Variants in RBFOX3 observed in about 807,000 individuals in gnomAD.
The protein encoded by RBFOX3 is RNA binding fox-1 homolog 3.
Under a neutral mutation model 48.7 loss-of-function variants are expected in RBFOX3, and 17 were observed. The ratio of observed to expected loss-of-function variants is 0.35; its 90% CI spans 0.24 to 0.52. RBFOX3 has a LOEUF of 0.52. Ranked by LOEUF, RBFOX3 falls within the 20% of genes least tolerant of loss-of-function variation. RBFOX3 has a pLI of 0.94. For missense variants in RBFOX3, 382 were observed against 497.5 expected, an observed-to-expected ratio of 0.77 and a Z score of 2.21; for synonymous variants, 212 against 209.5, an observed-to-expected ratio of 1.01 and a Z score of -0.10.
chr17:79,105,424 G>A (rs1221095026), intron 6 of RBFOX3, among the ~76,000 whole-genome samples: 2 of 152,184 alleles, frequency 1.3e-5, no homozygotes, highest in Non-Finnish European at 2.9e-5. Flanking sequence ...TCCAGCCAGA[G>A]CTCCAAAATG....
intron 2 of RBFOX3, among the ~76,000 whole-genome samples, chr17:79,387,250 T>C (rs2060679941): frequency 6.6e-6 from 1 of 152,222 alleles, no homozygotes; most frequent in Non-Finnish European, 1.5e-5. Flanking sequence ...AAAACTGATC[T>C]GATACAGCCT....
rs370707559 is a variant in RBFOX3 at position 79,374,416 on chromosome 17, C to A, written c.-174-66592G>T. 1.2e-4 allele frequency among the ~76,000 whole-genome samples: 18 copies of A among 152,242 alleles called. No homozygotes were observed. In the East Asian group the frequency reaches 2.9e-3, roughly 24 times the overall value. On this transcript the variant is annotated intron_variant, in intron 2 of 14. Transcript: ENST00000693108. ...TGAGCCTTTCTTCTTTGGAAAGGAC[C>A]GGCTTTCCATGCAGAAACAGGATCT...
At chr17:79,125,119 C>G (rs113559782) in intron 4 of RBFOX3, among the ~76,000 whole-genome samples, 4,302 of 152,260 alleles carry the variant, frequency 0.028, 202 homozygotes, top group African/African-American at 0.096. Context: ...CGGGAATGAG[C>G]GAGCCACCTG....
At chr17:79,348,794 G>A (rs576992888) in intron 2 of RBFOX3, among the ~76,000 whole-genome samples, 34 of 151,694 alleles carry the variant, frequency 2.2e-4, no homozygotes, top group Non-Finnish European at 4.3e-4. Flanking sequence ...TGGCCAGGTT[G>A]GTCTCCAACT....
rs2092916666 is a variant in RBFOX3 at position 79,577,894 on chromosome 17, T to C, written c.-320+32932A>G. Among the ~76,000 whole-genome samples, 3 of 152,202 alleles carry C rather than the reference T, an allele frequency of 2.0e-5. No individual in the cohort carries two copies. In the South Asian group the frequency reaches 6.2e-4, roughly 32 times the overall value. On this transcript the variant is annotated intron_variant, in intron 1 of 14. Coordinates refer to ENST00000693108, the MANE Select transcript of RBFOX3 (RefSeq NM_001350451.2). ...GCAATGCCAGGCTAGGTCCCCCTGG[T>C]GCGAGGGTGGCTCTGAACCACTGTC...
chr17:79,329,672 C>T (rs528804187), intron 2 of RBFOX3, among the ~76,000 whole-genome samples: 192 of 152,274 alleles, frequency 1.3e-3, no homozygotes, highest in Non-Finnish European at 1.9e-3. Flanking sequence ...GTAGGCCCCC[C>T]ACCCCGGCCT....
chr17:79,618,435 AGCCGT>A, the RBFOX3 span, among the ~76,000 whole-genome samples: 1 of 152,154 alleles, frequency 6.6e-6, no homozygotes, highest in African/African-American at 2.4e-5. Context: ...AATCCATCCA[AGCCGT>A]GTGTCTGCTC....
chr17:79,327,555 G>A (rs1424007190), intron 2 of RBFOX3, among the ~76,000 whole-genome samples: 1 of 152,220 alleles, frequency 6.6e-6, no homozygotes, highest in African/African-American at 2.4e-5. Context: ...GAAGCTCAAG[G>A]TGTCTTTCTT....
intron 2 of RBFOX3, among the ~76,000 whole-genome samples, chr17:79,384,324 G>T (rs1479656211): frequency 2.0e-5 from 3 of 152,138 alleles, no homozygotes; most frequent in African/African-American, 4.8e-5. Context: ...AGAGGCTGTG[G>T]GGGAGAAGTC....
At position 79,391,610 on chromosome 17, in the gene RBFOX3, G is replaced by T. The variant is rs9911509; in HGVS notation, c.-174-83786C>A. Among the ~76,000 whole-genome samples the T allele has an allele frequency of 0.023, 3,495 of 152,324 alleles. 129 individuals carry two copies. Among genetic ancestry groups the T allele is most frequent in the African/African-American group, 0.078 (3,259 of 41,560 alleles). ...TTAGGAATTTAGTTTTAGGAATGAA[G>T]AAATGAGGCCCAGTGAGGTACATGT... is the stretch of plus-strand genomic sequence containing the variant. On this transcript the variant is annotated intron_variant, in intron 2 of 14. Transcript: ENST00000693108. The surrounding 1 kb of genome is among the most constrained non-coding windows in gnomAD (Gnocchi z 5.0).
At chr17:79,152,811 C>A (rs1037055614) in intron 4 of RBFOX3, among the ~76,000 whole-genome samples, 7 of 152,186 alleles carry the variant, frequency 4.6e-5, no homozygotes, top group African/African-American at 1.7e-4. Context: ...GGCACAGGTG[C>A]CAGACTTGCC....
the RBFOX3 span, among the ~76,000 whole-genome samples, chr17:79,620,978 C>T: frequency 6.7e-6 from 1 of 149,076 alleles, no homozygotes; most frequent in Non-Finnish European, 1.5e-5. Context: ...TCTCTTACTC[C>T]TGTTAAAGTT....
At chr17:79,345,732 G>A (rs1202692004) in intron 2 of RBFOX3, among the ~76,000 whole-genome samples, 4 of 152,022 alleles carry the variant, frequency 2.6e-5, no homozygotes, top group Non-Finnish European at 5.9e-5. Context: ...TCAGTTGTGT[G>A]TATTGCCAAT....
chr17:79,541,856 G>A (rs1026994453), intron 1 of RBFOX3, among the ~76,000 whole-genome samples: 1 of 151,998 alleles, frequency 6.6e-6, no homozygotes, highest in Non-Finnish European at 1.5e-5. Context: ...GGGCCCTCAC[G>A]TTTGATGGCA....
intron 1 of RBFOX3, among the ~76,000 whole-genome samples, chr17:79,570,406 G>T (rs2092631839): frequency 6.6e-6 from 1 of 152,028 alleles, no homozygotes; most frequent in South Asian, 2.1e-4. Flanking sequence ...ATAGAAGATA[G>T]ATAGATGGAT....
chr17:79,351,620 C>T (rs148387020), intron 2 of RBFOX3, among the ~76,000 whole-genome samples: 70 of 152,162 alleles, frequency 4.6e-4, no homozygotes, highest in Non-Finnish European at 8.7e-4. Flanking sequence ...GCCTGTTGGC[C>T]ATTTGTATGT....
the RBFOX3 span, among the ~76,000 whole-genome samples, chr17:79,642,899 G>T: frequency 6.6e-6 from 1 of 152,142 alleles, no homozygotes; most frequent in Non-Finnish European, 1.5e-5. Flanking sequence ...TTTTTAAAAG[G>T]CTTAAAATGA....
chr17:79,333,746 G>C (rs980600591), intron 2 of RBFOX3, among the ~76,000 whole-genome samples: 1 of 152,130 alleles, frequency 6.6e-6, no homozygotes, highest in Non-Finnish European at 1.5e-5. Flanking sequence ...AGCAAGGGCT[G>C]AGTCTCCCCC....
rs1339851349 is a variant in RBFOX3, at chr17:79,392,197, A to G, written c.-174-84373T>C. Among the ~76,000 whole-genome samples, 1 of 151,312 alleles carries G rather than the reference A, an allele frequency of 6.6e-6. No individual in the cohort carries two copies. Among genetic ancestry groups the G allele is most frequent in the Non-Finnish European group, 1.5e-5 (1 of 67,838 alleles). ...TAAAGAAAACTGGGGCAGCCTCCTCACCCCCGTCTCTTTTCTCAGTGGTTA... is the reference window on the plus strand; with the variant it reads ...TAAAGAAAACTGGGGCAGCCTCCTCGCCCCCGTCTCTTTTCTCAGTGGTTA... On this transcript the variant is annotated intron_variant, in intron 2 of 14. Transcript: ENST00000693108. This position sits in a 1 kb window ranked among gnomAD's most constrained non-coding sequence, Gnocchi z 5.0.
Sources: allele counts gnomAD v4.1 joint callset (sites outside exome capture counted in the v4.1 genomes callset), GRCh38; gene constraint gnomAD v4.1.1; non-coding constraint Gnocchi (gnomAD v3.1); transcripts MANE v1.5; gene names NCBI Gene and HGNC (gene_info 2026-07-23, HGNC 2026-07-21).